Variants in GRIK4 observed in about 807,000 individuals in gnomAD.
GRIK4 encodes glutamate receptor ionotropic, kainate 4.
Under a neutral mutation model 104.9 loss-of-function variants are expected in GRIK4, and 40 were observed. The ratio of observed to expected loss-of-function variants is 0.38; its 90% confidence interval spans 0.30 to 0.50. GRIK4 has a LOEUF of 0.50. GRIK4 is among the 20% of genes least tolerant of loss of function. The probability of loss-of-function intolerance (pLI) is 0.93; values close to 1 mark genes in which losing one functional copy is unlikely to be tolerated. For missense variants in GRIK4, 1,047 were observed against 1,308.1 expected (o/e 0.80, Z 3.08); for synonymous variants, 485 against 524.9 (o/e 0.92, Z 1.04).
At chr11:120,874,944 A>G (rs975456175) in intron 10 of GRIK4, among the ~76,000 whole-genome samples, 195 bp from the exon 11 acceptor site, 2 of 152,318 alleles carry the variant, frequency 1.3e-5, no homozygotes, top group African/African-American at 4.8e-5. Context: ...CTCCAGGCCA[A>G]GCCAAGTCTG....
chr11:120,629,465 C>A (rs1173394838), intron 1 of GRIK4, among the ~76,000 whole-genome samples: 1 of 152,114 alleles, frequency 6.6e-6, no homozygotes, highest in East Asian at 1.9e-4. Context: ...GGTACGACTG[C>A]CCGACTTCTG....
intron 3 of GRIK4, among the ~76,000 whole-genome samples, chr11:120,686,027 A>G (rs1464884757): frequency 6.6e-6 from 1 of 152,092 alleles, no homozygotes; most frequent in Non-Finnish European, 1.5e-5. Context: ...GGGTAAATTA[A>G]TTTACTTTTG....
At chr11:120,731,333 G>A (rs1212784720) in intron 3 of GRIK4, among the ~76,000 whole-genome samples, 1 of 151,698 alleles carries the variant, frequency 6.6e-6, no homozygotes, top group East Asian at 1.9e-4. Context: ...ATGATCATAT[G>A]GTTTTTGTCT....
At chr11:120,742,535 T>TG (rs1211660490) in intron 3 of GRIK4, among the ~76,000 whole-genome samples, 1 of 150,920 alleles carries the variant, frequency 6.6e-6, no homozygotes, top group Non-Finnish European at 1.5e-5. Flanking sequence ...TATTTTTTTT[T>TG]GAGATGGAGT....
intron 14 of GRIK4, among the ~76,000 whole-genome samples, chr11:120,950,034 T>C (rs1304152914): frequency 6.6e-6 from 1 of 152,216 alleles, no homozygotes; most frequent in Non-Finnish European, 1.5e-5. Flanking sequence ...CTCACATGTC[T>C]TTTGGGAAGA....
intron 13 of GRIK4, among the ~76,000 whole-genome samples, chr11:120,934,242 A>G (rs564652216): frequency 6.8e-6 from 1 of 146,238 alleles, no homozygotes; most frequent in Non-Finnish European, 1.5e-5. Context: ...GGTCAGCGTC[A>G]TGGTGCTAGG....
intron 1 of GRIK4, among the ~76,000 whole-genome samples, chr11:120,598,334 A>G (rs1419179585): frequency 1.3e-5 from 2 of 152,172 alleles, no homozygotes; most frequent in Non-Finnish European, 2.9e-5. Flanking sequence ...GTCTTGCCCA[A>G]GGTCATCTGG....
intron 18 of GRIK4, among the ~76,000 whole-genome samples, chr11:120,965,339 G>A (rs529714767): frequency 6.6e-6 from 1 of 152,202 alleles, no homozygotes; most frequent in African/African-American, 2.4e-5. Context: ...CTCTAAACCT[G>A]AAATGTTCAT....
At chr11:120,793,294 G>A (rs1267991467) in intron 3 of GRIK4, among the ~76,000 whole-genome samples, 4 of 152,122 alleles carry the variant, frequency 2.6e-5, no homozygotes, top group Non-Finnish European at 5.9e-5. Context: ...TGCATTGAAA[G>A]TGACAGAGAA....
chr11:120,833,443 G>T (rs1953491525), intron 7 of GRIK4, among the ~76,000 whole-genome samples: 1 of 152,154 alleles, frequency 6.6e-6, no homozygotes, highest in Admixed American at 6.5e-5. Context: ...GCCCTCTTTA[G>T]GGAAGGTTGG....
rs781213590 is a variant in GRIK4, at chr11:120,736,666, A to G, written c.83-66027A>G. ...TATTATTTCTGTGTTCTTGAGGACC[A>G]GAGTTCTCAGTTCAAAAGAATGGAA... On this transcript the variant is annotated intron_variant, in intron 3 of 20. Transcript: ENST00000527524. Among the ~76,000 whole-genome samples, 4 of 152,256 alleles carry G rather than the reference A, an allele frequency of 2.6e-5. No homozygotes were observed. The South Asian group carries it at 6.2e-4, about 24-fold the overall frequency.
chr11:120,980,703 C>A (rs1056827162), intron 19 of GRIK4, among the ~76,000 whole-genome samples: 1 of 152,116 alleles, frequency 6.6e-6, no homozygotes, highest in Non-Finnish European at 1.5e-5. Context: ...ACAGGATTCC[C>A]ACATTCACAC....
intron 1 of GRIK4, among the ~76,000 whole-genome samples, chr11:120,595,336 T>A (rs983832764): frequency 2.0e-5 from 3 of 152,270 alleles, no homozygotes; most frequent in Non-Finnish European, 4.4e-5. Flanking sequence ...TTATTTTCTT[T>A]ATGTCTGCTT....
intron 16 of GRIK4, among the ~76,000 whole-genome samples, chr11:120,957,493 G>C (rs1362820123): frequency 1.3e-5 from 2 of 152,158 alleles, no homozygotes; most frequent in Non-Finnish European, 2.9e-5. Flanking sequence ...ATGATTCAAT[G>C]TGTGGGAAAG....
chr11:120,961,064 CCTT>C lies in GRIK4; in HGVS notation c.2035_2037del (p.Phe679del), dbSNP rs1233121291. On this transcript the variant is annotated inframe_deletion, in exon 17 of 21. Transcript: ENST00000527524. ...ACAATTCACGGAGGCTCCAGCATGA[CCTT>C]CTTCCAAGTAAACCCCATTTGGTTG... The C allele has an allele frequency of 6.2e-7, 1 of 1,613,980 alleles. No homozygotes were observed. The highest frequency in any genetic ancestry group is 2.2e-5 in the East Asian group (1 of 44,884).
chr11:120,718,812 C>A (rs907695590), intron 3 of GRIK4, among the ~76,000 whole-genome samples: 5 of 152,222 alleles, frequency 3.3e-5, no homozygotes, highest in African/African-American at 7.2e-5. Flanking sequence ...GGGTTCATAC[C>A]TCAGGGATGC....
chr11:120,531,702 A>C lies in GRIK4; in HGVS notation c.-159+19815A>C, dbSNP rs748920634. Among the ~76,000 whole-genome samples, 97 of 151,812 alleles carry C rather than the reference A, an allele frequency of 6.4e-4. 1 individual carries two copies. The highest frequency in any genetic ancestry group is 5.6e-4 in the Non-Finnish European group (38 of 67,990). The stretch of plus-strand genomic sequence containing the variant: ...GCAATTCTCTTGCCTCAGCCTCCCG[A>C]GTAGCTGGTACTACAGGTGCATGTC... On this transcript the variant is annotated intron_variant, in intron 1 of 20. Coordinates refer to ENST00000527524, the MANE Select transcript of GRIK4 (RefSeq NM_014619.5).
At chr11:120,784,912 G>A (rs527847922) in intron 3 of GRIK4, among the ~76,000 whole-genome samples, 11 of 152,154 alleles carry the variant, frequency 7.2e-5, no homozygotes, top group African/African-American at 1.2e-4. Context: ...GGTGCCTGGC[G>A]TGAGGTCGGC....
At chr11:120,793,096 C>T (rs1441832839) in intron 3 of GRIK4, among the ~76,000 whole-genome samples, 1 of 152,152 alleles carries the variant, frequency 6.6e-6, no homozygotes, top group Non-Finnish European at 1.5e-5. Flanking sequence ...GTCGTATTGC[C>T]AGCTAGTGAT....
Sources: allele counts gnomAD v4.1 joint callset (sites outside exome capture counted in the v4.1 genomes callset), GRCh38; gene constraint gnomAD v4.1.1; transcripts MANE v1.5; gene names NCBI Gene and HGNC (gene_info 2026-07-23, HGNC 2026-07-21).